GCKR: variants seen among roughly 807,000 people sequenced by gnomAD.
The protein encoded by GCKR is glucokinase regulator.
In GCKR, 73 loss-of-function variants were observed where a neutral mutation model predicts 82.9. The observed-to-expected ratio is 0.88, with a 90% CI of 0.73 to 1.07. The LOEUF (loss-of-function observed/expected upper bound fraction) is 1.07. GCKR is among the 50% of genes least tolerant of loss of function. GCKR has a pLI of 0.00. For synonymous variants in GCKR, 294 were observed against 291.8 expected (o/e 1.01, Z -0.08); for missense variants, 784 against 782.1 (o/e 1.00, Z -0.03).
At chr2:27,500,502 C>T (rs774635897) in intron 7 of GCKR, among the ~76,000 whole-genome samples, 2 of 152,226 alleles carry the variant, frequency 1.3e-5, no homozygotes, top group Non-Finnish European at 2.9e-5. Flanking sequence ...CTCTTTTATG[C>T]TATAGCCATA....
chr2:27,515,200 A>T (rs1489517892), intron 16 of GCKR, among the ~76,000 whole-genome samples: 1 of 151,526 alleles, frequency 6.6e-6, no homozygotes, highest in African/African-American at 2.4e-5. Context: ...CTGGTCTCGA[A>T]CTCCTGACCT....
intron 7 of GCKR, 45 bp from the exon 8 acceptor site, chr2:27,501,090 G>A (rs765049421): frequency 1.6e-5 from 21 of 1,317,410 alleles, no homozygotes; most frequent in Non-Finnish European, 2.1e-5. Flanking sequence ...GCACCACTCA[G>A]AGTAATGACC....
chr2:27,510,975 TATCA>T (rs530811762), intron 16 of GCKR, among the ~76,000 whole-genome samples: 15 of 152,306 alleles, frequency 9.8e-5, no homozygotes, highest in African/African-American at 3.4e-4. Context: ...TAGTCAAATC[TATCA>T]ATCTTTTCCT....
intron 5 of GCKR, among the ~76,000 whole-genome samples, 165 bp from the exon 6 acceptor site, chr2:27,498,977 T>C (rs1669498133): frequency 6.6e-6 from 1 of 152,218 alleles, no homozygotes; most frequent in Non-Finnish European, 1.5e-5. Flanking sequence ...TGTAGGTATT[T>C]GAGTTTTTCA....
rs759663430 is a variant in GCKR, at chr2:27,523,637, C to T, written c.*198C>T. On this transcript the variant is annotated 3_prime_UTR_variant, in exon 19 of 19. Transcript: ENST00000264717. ...TCGACCTAGTGGTTTCTACTCTCAC[C>T]GACTTATTCTGATTTCAGAAATAAA... 2.7e-5 allele frequency: 16 copies of T among 599,142 alleles called. No homozygotes were observed. Among genetic ancestry groups the T allele is most frequent in the Non-Finnish European group, 3.6e-5 (12 of 336,938 alleles). The allele number at this position is 599,142 out of a possible 1,614,324, so 37.1% of individuals were successfully genotyped here. A position where few individuals can be genotyped will look rare whatever the true frequency, so the allele number is the denominator to read the frequency against.
At chr2:27,520,602 A>C (rs1189232413) in intron 17 of GCKR, among the ~76,000 whole-genome samples, 1 of 152,262 alleles carries the variant, frequency 6.6e-6, no homozygotes, top group Non-Finnish European at 1.5e-5. Context: ...GAGCACTTGA[A>C]ATGTGGCTAA....
In GCKR at chr2:27,498,736, C is replaced by A; in HGVS notation, c.367C>A (p.Gln123Lys). 6.2e-7 allele frequency: 1 copy of A among 1,601,330 alleles called. No individual in the cohort carries two copies. The highest frequency in any genetic ancestry group is 8.6e-7 in the Non-Finnish European group (1 of 1,168,362). ...CCCTGCTTGACAGGTGTCCTTTAAT[C>A]AGCTGATGAAAGGTCTGGGACAGAA... ...MAFLMSVSFN[Q>K]LMKGLGQKPL... is the part of the protein sequence containing the mutation. Residue 123 changes from glutamine (Q) to lysine (K), a missense_variant, in exon 5 of 19, where the codon CAG (glutamine) becomes AAG (lysine). By Grantham distance (53) the Gln-to-Lys change is moderately conservative (BLOSUM62 1). Transcript: ENST00000264717.
intron 16 of GCKR, chr2:27,509,580 G>A (rs892495548): frequency 4.6e-6 from 2 of 434,196 alleles, no homozygotes; most frequent in Non-Finnish European, 4.7e-6. Context: ...AGACTCAAGT[G>A]ATCCACCCGC....
At chr2:27,514,115 T>A (rs1669949099) in intron 16 of GCKR, among the ~76,000 whole-genome samples, 2 of 152,048 alleles carry the variant, frequency 1.3e-5, no homozygotes, top group African/African-American at 4.8e-5. Flanking sequence ...GTATGTTCAC[T>A]GCTACTGGTG....
intron 9 of GCKR, among the ~76,000 whole-genome samples, chr2:27,505,259 G>A (rs886754223): frequency 4.6e-5 from 7 of 151,082 alleles, no homozygotes; most frequent in Non-Finnish European, 1.0e-4. Context: ...AGCCGGGCAT[G>A]GTGGCGGGCG....
chr2:27,517,013 C>CTT (rs10549495), intron 16 of GCKR, among the ~76,000 whole-genome samples: 4 of 135,100 alleles, frequency 3.0e-5, no homozygotes, highest in Non-Finnish European at 4.7e-5. Context: ...GTATTAGTAC[C>CTT]TTTTTTTTTT....
intron 3 of GCKR, among the ~76,000 whole-genome samples, 167 bp downstream of exon 3, chr2:27,497,797 T>A (rs965069303): frequency 1.3e-5 from 2 of 152,232 alleles, no homozygotes; most frequent in African/African-American, 4.8e-5. Context: ...AATGATAACT[T>A]CTCTGCTTAA....
chr2:27,501,038 T>C (rs1050261799), intron 7 of GCKR, 97 bp from the exon 8 acceptor site: 12 of 894,404 alleles, frequency 1.3e-5, no homozygotes, highest in Non-Finnish European at 2.1e-5. Context: ...ATCTGCATTT[T>C]GAACAAGCAT....
At position 27,507,727 on chromosome 2, in the gene GCKR, T is replaced by G. The variant is rs1275908905; in HGVS notation, c.1190T>G (p.Leu397Arg). ...CAGGAGGACTTCCTGACTTCCATCCTTCCCTCTCTCACGGAAATCGATACT... is the reference window on the plus strand; with the variant it reads ...CAGGAGGACTTCCTGACTTCCATCCGTCCCTCTCTCACGGAAATCGATACT... ...FSQEDFLTSI[L>R]PSLTEIDTVV... The change falls in exon 14 of 19, where the codon CTT becomes CGT. Residue 397 changes from leucine (L) to arginine (R), a missense_variant. Coordinates refer to ENST00000264717, the MANE Select transcript of GCKR (RefSeq NM_001486.4). 6.2e-7 allele frequency: 1 copy of G among 1,610,160 alleles called. No individual in the cohort carries two copies. The highest frequency in any genetic ancestry group is 1.1e-5 in the South Asian group (1 of 90,998).
intron 16 of GCKR, among the ~76,000 whole-genome samples, chr2:27,510,049 C>T (rs1669843604): frequency 6.6e-6 from 1 of 151,706 alleles, no homozygotes; most frequent in African/African-American, 2.4e-5. Context: ...CGCTCTGTCA[C>T]CCAGACTGGA....
intron 9 of GCKR, among the ~76,000 whole-genome samples, chr2:27,505,222 C>T (rs1055221441): frequency 4.0e-5 from 6 of 148,542 alleles, no homozygotes; most frequent in Non-Finnish European, 8.9e-5. Context: ...CGGTGAAACC[C>T]CATCTCTACT....
intron 16 of GCKR, among the ~76,000 whole-genome samples, chr2:27,514,338 C>T (rs1203214353): frequency 6.6e-6 from 1 of 152,026 alleles, no homozygotes; most frequent in Non-Finnish European, 1.5e-5. Context: ...TCCTCTTTCC[C>T]TTAGTGATAA....
rs528066615 is a variant in GCKR at position 27,515,745 on chromosome 2, G to GTATA, written c.1423-3025_1423-3022dup. Among the ~76,000 whole-genome samples, 458 of 129,410 alleles carry GTATA rather than the reference G, an allele frequency of 3.5e-3. 3 individuals are homozygous for GTATA. Among genetic ancestry groups the GTATA allele is most frequent in the Non-Finnish European group, 4.7e-3 (297 of 63,100 alleles). 84.9% of individuals were successfully genotyped at this position (129,410 alleles called of 152,430 possible). On this transcript the variant is annotated intron_variant, in intron 16 of 18. Coordinates refer to ENST00000264717, the MANE Select transcript of GCKR (RefSeq NM_001486.4). ...TTTCCAAGTGATTATCCAATTGTTC[G>GTATA]TATATATATATATATATATATTTTT...
At chr2:27,504,460 C>A (rs1459940486) in intron 9 of GCKR, among the ~76,000 whole-genome samples, 1 of 151,642 alleles carries the variant, frequency 6.6e-6, no homozygotes, top group Non-Finnish European at 1.5e-5. Flanking sequence ...CTAGTTCAAG[C>A]GATTTTCCTG....
Sources: gnomAD v4.1 joint callset for allele counts (sites outside exome capture counted in the v4.1 genomes callset) on GRCh38, gnomAD v4.1.1 for gene constraint, MANE v1.5 for transcripts, NCBI Gene and HGNC (gene_info 2026-07-23, HGNC 2026-07-21) for gene names.